Variants in PCDH15 observed in about 807,000 individuals in gnomAD.
PCDH15 encodes protocadherin related 15.
In PCDH15, 129 loss-of-function variants were observed where a neutral mutation model predicts 178.5. The ratio of observed to expected loss-of-function variants is 0.72; its 90% CI spans 0.63 to 0.84. PCDH15 has a LOEUF of 0.84. Among genes scored for constraint, PCDH15 ranks in the 40% least tolerant of loss-of-function variants. PCDH15 has a pLI of 0.00. For missense variants in PCDH15, 2,230 were observed against 2,099.9 expected (o/e 1.06, Z -1.21); for synonymous variants, 800 against 732.0 (o/e 1.09, Z -1.50).
chr10:54,612,500 T>C (rs927547638), intron 2 of PCDH15, among the ~76,000 whole-genome samples: 2 of 151,730 alleles, frequency 1.3e-5, no homozygotes, highest in African/African-American at 4.8e-5. Context: ...TGGATCTAGG[T>C]GGACTGGAGG....
At chr10:54,436,025 AGGAG>A (rs2075370036) in intron 3 of PCDH15, among the ~76,000 whole-genome samples, 1 of 48,346 alleles carries the variant, frequency 2.1e-5, no homozygotes, top group African/African-American at 1.3e-4. Context: ...AGGAGAGGAG[AGGAG>A]AGGAGAGAGA....
intron 2 of PCDH15, among the ~76,000 whole-genome samples, chr10:54,544,780 T>C (rs2085662894): frequency 6.6e-6 from 1 of 152,142 alleles, no homozygotes; most frequent in African/African-American, 2.4e-5. Context: ...GTAAAACTAC[T>C]AAGAGTGGAA....
At chr10:54,412,815 T>C (rs542782237) in intron 3 of PCDH15, among the ~76,000 whole-genome samples, 27 of 152,200 alleles carry the variant, frequency 1.8e-4, no homozygotes, top group African/African-American at 6.5e-4. Context: ...TCCGCTTCCC[T>C]GGTTCAAGGG....
At chr10:55,069,919 C>T (rs1325395231) in intron 2 of PCDH15, among the ~76,000 whole-genome samples, 1 of 152,138 alleles carries the variant, frequency 6.6e-6, no homozygotes, top group Non-Finnish European at 1.5e-5. Context: ...TCCCATTTCT[C>T]CACATTCTGT....
chr10:53,922,860 G>A (rs546299073), intron 25 of PCDH15, among the ~76,000 whole-genome samples: 45 of 152,206 alleles, frequency 3.0e-4, no homozygotes, highest in African/African-American at 9.6e-4. Context: ...GCTGGGGGTG[G>A]GTGGATCACG....
intron 2 of PCDH15, among the ~76,000 whole-genome samples, chr10:55,374,643 T>C (rs1442824130): frequency 2.0e-5 from 3 of 151,988 alleles, no homozygotes; most frequent in Non-Finnish European, 2.9e-5. Flanking sequence ...TAAATATTAA[T>C]ACTATTAGTA....
chr10:55,229,681 T>G (rs1172449378), intron 1 of PCDH15, among the ~76,000 whole-genome samples: 2 of 152,092 alleles, frequency 1.3e-5, no homozygotes, highest in Admixed American at 1.3e-4. Context: ...TAGTTTTACT[T>G]CAAACATTGT....
intron 2 of PCDH15, among the ~76,000 whole-genome samples, chr10:54,622,298 T>G (rs2093378055): frequency 1.3e-5 from 2 of 151,464 alleles, no homozygotes; most frequent in African/African-American, 2.4e-5. Flanking sequence ...CCGTGAGATA[T>G]CAGACTTCCC....
chr10:55,449,161 A>G (rs989820452), intron 2 of PCDH15, among the ~76,000 whole-genome samples: 4 of 152,080 alleles, frequency 2.6e-5, no homozygotes, highest in Admixed American at 2.0e-4. Flanking sequence ...GACAATCTCA[A>G]AAATGTCACC....
chr10:54,699,266 T>TAA (rs751618768), intron 1 of PCDH15, among the ~76,000 whole-genome samples: 3 of 148,914 alleles, frequency 2.0e-5, no homozygotes, highest in African/African-American at 7.4e-5. Flanking sequence ...AGGTTTTATG[T>TAA]AAAAAAAAAA....
At chr10:53,817,450 G>T (rs935196027) in intron 34 of PCDH15, among the ~76,000 whole-genome samples, 8 of 150,496 alleles carry the variant, frequency 5.3e-5, no homozygotes, top group Non-Finnish European at 8.9e-5. Flanking sequence ...ATGGCGCCTT[G>T]AACTGGTAAA....
intron 2 of PCDH15, among the ~76,000 whole-genome samples, chr10:55,625,259 T>C (rs1837501620): frequency 6.6e-6 from 1 of 152,146 alleles, no homozygotes; most frequent in Non-Finnish European, 1.5e-5. Flanking sequence ...AATTTTGGTA[T>C]TTGAGAATAC....
At chr10:55,009,087 A>G (rs1284375798) in intron 2 of PCDH15, among the ~76,000 whole-genome samples, 1 of 151,614 alleles carries the variant, frequency 6.6e-6, no homozygotes, top group Non-Finnish European at 1.5e-5. Context: ...CCCACTCAGA[A>G]CTACACATAA....
intron 2 of PCDH15, among the ~76,000 whole-genome samples, chr10:54,585,006 A>G (rs1436854399): frequency 6.6e-6 from 1 of 152,184 alleles, no homozygotes; most frequent in Non-Finnish European, 1.5e-5. Context: ...TGCTTTCATT[A>G]CATGAAAATT....
chr10:55,226,253 A>G (rs977436536), intron 1 of PCDH15, among the ~76,000 whole-genome samples: 1 of 152,190 alleles, frequency 6.6e-6, no homozygotes, highest in African/African-American at 2.4e-5. Context: ...GAATAGTCTC[A>G]GAGGAGAAGA....
chr10:55,521,827 T>C (rs1841183083), intron 2 of PCDH15, among the ~76,000 whole-genome samples: 1 of 152,082 alleles, frequency 6.6e-6, no homozygotes, highest in Non-Finnish European at 1.5e-5. Context: ...TAGTGTAGGA[T>C]AGCCTATCTT....
At chr10:54,646,994 T>C (rs2094143656) in intron 2 of PCDH15, among the ~76,000 whole-genome samples, 1 of 152,012 alleles carries the variant, frequency 6.6e-6, no homozygotes, top group African/African-American at 2.4e-5. Context: ...TAGGTATTCA[T>C]CCAAAATAAC....
intron 27 of PCDH15, among the ~76,000 whole-genome samples, chr10:53,861,543 A>G (rs2079107853): frequency 6.6e-6 from 1 of 152,180 alleles, no homozygotes; most frequent in Admixed American, 6.5e-5. Flanking sequence ...CAATAGAAAT[A>G]CAATGTGAGC....
intron 2 of PCDH15, among the ~76,000 whole-genome samples, chr10:55,350,945 TTTA>T (rs1310530930): frequency 3.3e-5 from 5 of 151,522 alleles, no homozygotes; most frequent in Admixed American, 1.3e-4. Context: ...GTCCACATGT[TTTA>T]TTATTTCTTC....
Sources: gnomAD v4.1 joint callset for allele counts (sites outside exome capture counted in the v4.1 genomes callset) on GRCh38, gnomAD v4.1.1 for gene constraint, MANE v1.5 for transcripts, NCBI Gene and HGNC (gene_info 2026-07-23, HGNC 2026-07-21) for gene names.